The following KYAT3 variants were observed in gnomAD, a reference collection of about 807,000 sequenced individuals.
KYAT3 encodes the protein kynurenine aminotransferase 3.
In KYAT3, 50 loss-of-function variants were observed where a neutral mutation model predicts 59.0. The ratio of observed to expected loss-of-function variants is 0.85; its 90% CI spans 0.68 to 1.07. The LOEUF is 1.07. KYAT3 is among the 50% of genes least tolerant of loss of function. The pLI, the probability that KYAT3 is intolerant of heterozygous loss-of-function variation, is 0.00. For synonymous variants in KYAT3, 148 were observed against 177.0 expected (o/e 0.84, Z 1.30); for missense variants, 497 against 533.3 (o/e 0.93, Z 0.67).
At chr1:88,952,758 T>G (rs1675733177) in intron 10 of KYAT3, among the ~76,000 whole-genome samples, 1 of 152,200 alleles carries the variant, frequency 6.6e-6, no homozygotes, top group African/African-American at 2.4e-5. Flanking sequence ...TCTTAGAAGA[T>G]GGATTGCTTT....
intron 11 of KYAT3, among the ~76,000 whole-genome samples, chr1:88,946,689 G>A (rs12144640): frequency 0.42 from 64,279 of 151,956 alleles, 14,210 homozygotes; most frequent in Non-Finnish European, 0.49. Flanking sequence ...TTCATAAAAT[G>A]AACTGCACAT....
the KYAT3 span, among the ~76,000 whole-genome samples, chr1:88,924,760 C>T: frequency 1.3e-4 from 20 of 152,292 alleles, no homozygotes; most frequent in African/African-American, 3.8e-4. Context: ...TTGCTGCTCC[C>T]GATTGGGCTA....
chr1:88,956,490 C>A (rs10801698), intron 8 of KYAT3, among the ~76,000 whole-genome samples: 68,934 of 151,890 alleles, frequency 0.45, 15,907 homozygotes, highest in Admixed American at 0.5. Context: ...TCTAGAGGAA[C>A]CAAAAATGAA....
chr1:88,951,964 A>G (rs193224299), intron 10 of KYAT3, among the ~76,000 whole-genome samples: 51 of 152,216 alleles, frequency 3.4e-4, no homozygotes, highest in Non-Finnish European at 6.5e-4. Context: ...GGAAAAAGGG[A>G]GGCAGGAGGG....
At chr1:88,932,702 C>T (rs1292013425), downstream of KYAT3, among the ~76,000 whole-genome samples, 1 of 152,004 alleles carries the variant, frequency 6.6e-6, no homozygotes, top group African/African-American at 2.4e-5. Context: ...CACTATGTTG[C>T]CCAGGCTGGT....
At chr1:88,952,612 G>C (rs1675725499) in intron 10 of KYAT3, among the ~76,000 whole-genome samples, 1 of 152,176 alleles carries the variant, frequency 6.6e-6, no homozygotes, top group African/African-American at 2.4e-5. Flanking sequence ...CTCTCCAGAA[G>C]CAGAAGCCAC....
At chr1:88,940,560 T>C (rs1395636189) in intron 13 of KYAT3, among the ~76,000 whole-genome samples, 1 of 152,058 alleles carries the variant, frequency 6.6e-6, no homozygotes, top group Non-Finnish European at 1.5e-5. Flanking sequence ...AAATTCTCCT[T>C]GTCTCATAGT....
intron 5 of KYAT3, among the ~76,000 whole-genome samples, chr1:88,963,613 C>T (rs1017535815): frequency 2.6e-5 from 4 of 152,230 alleles, no homozygotes; most frequent in Admixed American, 6.5e-5. Flanking sequence ...GTGATTGCCT[C>T]TTCCTTTTGT....
chr1:88,927,628 T>C, the KYAT3 span, among the ~76,000 whole-genome samples: 4 of 151,528 alleles, frequency 2.6e-5, no homozygotes, highest in Admixed American at 2.6e-4. Flanking sequence ...GGGTAAACAA[T>C]GAACCAAAGA....
At chr1:88,973,058 G>A (rs148005340) in intron 2 of KYAT3, among the ~76,000 whole-genome samples, 3 of 152,272 alleles carry the variant, frequency 2.0e-5, no homozygotes, top group East Asian at 1.9e-4. Context: ...ATGACTGGTG[G>A]TCTTATAAAA....
Position 88,955,129 on chromosome 1 carries a change from T to G in KYAT3, c.864+20A>C. 1.3e-6 allele frequency: 2 copies of G among 1,519,422 alleles called. No homozygotes were observed. The highest frequency in any genetic ancestry group is 1.7e-5 in the Admixed American group (1 of 59,652). 94.1% of individuals were successfully genotyped at this position (1,519,422 alleles called of 1,614,324 possible). A position where few individuals can be genotyped will look rare whatever the true frequency, so the allele number is the denominator to read the frequency against. On this transcript the variant is annotated intron_variant, in intron 9 of 13. Transcript: ENST00000260508. ...ATATACAGGCCTATTTTTAAGCAAT[T>G]AAATTCTTACTCATCTTACCTTCCA...
chr1:88,934,350 T>C (rs1042182846), downstream of KYAT3, among the ~76,000 whole-genome samples: 3 of 152,196 alleles, frequency 2.0e-5, no homozygotes, highest in Middle Eastern at 3.4e-3. Flanking sequence ...GCTACTTGGA[T>C]GGCTGAGGCA....
At chr1:88,972,367 G>A (rs1676586042) in intron 2 of KYAT3, among the ~76,000 whole-genome samples, 1 of 152,204 alleles carries the variant, frequency 6.6e-6, no homozygotes, top group African/African-American at 2.4e-5. Flanking sequence ...CTGGGTACCA[G>A]GGCATAGCCA....
At chr1:88,935,157 C>A (rs1195394810), downstream of KYAT3, among the ~76,000 whole-genome samples, 3 of 148,814 alleles carry the variant, frequency 2.0e-5, no homozygotes, top group African/African-American at 7.7e-5. Flanking sequence ...CCACGCCCAG[C>A]CAATTTTTTT....
chr1:88,950,368 G>A (rs1675619850), intron 10 of KYAT3, among the ~76,000 whole-genome samples: 1 of 152,142 alleles, frequency 6.6e-6, no homozygotes, highest in Non-Finnish European at 1.5e-5. Context: ...AATAAGGATC[G>A]ATTGCCTTAG....
At chr1:88,924,753 C>T in the KYAT3 span, among the ~76,000 whole-genome samples, 1 of 152,210 alleles carries the variant, frequency 6.6e-6, no homozygotes, top group Non-Finnish European at 1.5e-5. Context: ...GCACCCATTG[C>T]TGCTCCCGAT....
chr1:88,988,041 T>C (rs544139663), intron 2 of KYAT3, among the ~76,000 whole-genome samples: 2 of 152,338 alleles, frequency 1.3e-5, no homozygotes, highest in South Asian at 2.1e-4. Context: ...GTAATGAATA[T>C]ATAATGACCA....
At chr1:88,921,703 C>T in the KYAT3 span, among the ~76,000 whole-genome samples, 1 of 152,164 alleles carries the variant, frequency 6.6e-6, no homozygotes, top group East Asian at 1.9e-4. Flanking sequence ...AAGGAACTGG[C>T]TCACCCAATT....
intron 11 of KYAT3, among the ~76,000 whole-genome samples, chr1:88,944,781 C>T (rs1182323723): frequency 2.0e-5 from 3 of 152,134 alleles, no homozygotes; most frequent in Non-Finnish European, 4.4e-5. Flanking sequence ...GGATTATTGA[C>T]TAATTCTAAT....
Sources: gnomAD v4.1 joint callset for allele counts (sites outside exome capture counted in the v4.1 genomes callset) on GRCh38, gnomAD v4.1.1 for gene constraint, MANE v1.5 for transcripts, NCBI Gene and HGNC (gene_info 2026-07-23, HGNC 2026-07-21) for gene names.